The following KATNIP variants were observed in gnomAD, a reference collection of about 807,000 sequenced individuals.
KATNIP encodes katanin interacting protein.
A neutral mutation model predicts 174.0 loss-of-function variants in KATNIP; 126 were observed. That is an observed-to-expected ratio of 0.72 (90% CI 0.63 to 0.84). The LOEUF (loss-of-function observed/expected upper bound fraction) is 0.84. Ranked by LOEUF, KATNIP falls within the 40% of genes least tolerant of loss-of-function variation. The pLI is 0.00. For missense variants in KATNIP, 1,958 were observed against 2,109.7 expected (o/e 0.93, Z 1.41); for synonymous variants, 810 against 835.7 (o/e 0.97, Z 0.53).
At chr16:27,713,512 A>G (rs1356301049) in intron 13 of KATNIP, among the ~76,000 whole-genome samples, 1 of 151,666 alleles carries the variant, frequency 6.6e-6, no homozygotes, top group Non-Finnish European at 1.5e-5. Flanking sequence ...AGATCGAGGC[A>G]GGAGGATCAC....
rs770744051 is a variant in KATNIP at position 27,750,096 on chromosome 16, C to T, written c.3136C>T (p.His1046Tyr). 3.7e-6 allele frequency: 6 copies of T among 1,614,200 alleles called. No individual in the cohort carries two copies. The Admixed American group carries it at 1.0e-4, about 27-fold the overall frequency. The change falls in exon 16 of 28, where the codon CAT (histidine) becomes TAT (tyrosine). Residue 1046 changes from histidine to tyrosine, a missense_variant. By Grantham distance (83) the His-to-Tyr change is moderately conservative. Coordinates refer to ENST00000261588, the MANE Select transcript of KATNIP (RefSeq NM_015202.5). Reference protein sequence around the residue: ...DGVNRTQDDMHVWLAPFTRGR... With the variant: ...DGVNRTQDDMYVWLAPFTRGR... The stretch of plus-strand genomic sequence containing the variant: ...GGTGAACAGGACCCAGGATGACATG[C>T]ATGTCTGGCTGGCCCCCTTCACGCG...
At chr16:27,619,905 G>A (rs1203997175) in intron 3 of KATNIP, among the ~76,000 whole-genome samples, 2 of 152,128 alleles carry the variant, frequency 1.3e-5, no homozygotes, top group East Asian at 1.9e-4. Flanking sequence ...GACCGACGTG[G>A]GTTTCCATCA....
intron 2 of KATNIP, among the ~76,000 whole-genome samples, chr16:27,584,623 T>C (rs993058342): frequency 3.3e-5 from 5 of 152,040 alleles, no homozygotes; most frequent in African/African-American, 7.2e-5. Flanking sequence ...AAACCCTGTC[T>C]CTACTAAAAA....
At chr16:27,676,392 G>A (rs557463035) in intron 6 of KATNIP, among the ~76,000 whole-genome samples, 3 of 152,098 alleles carry the variant, frequency 2.0e-5, no homozygotes, top group African/African-American at 4.8e-5. Flanking sequence ...GTCTGTATAG[G>A]ATGATTTCTC....
chr16:27,698,431 G>A lies in KATNIP; in HGVS notation c.1044G>A (p.Gln348=). The A allele has an allele frequency of 6.2e-7, 1 of 1,613,632 alleles. No individual in the cohort carries two copies. The highest frequency in any genetic ancestry group is 1.1e-5 in the South Asian group (1 of 90,922). ...CCTCTGCTGTGCTCCAAGCCATCCA[G>A]GTGGAGAACGCAGCCCTGCAGAGGG... ...EDASAVLQAI[Q]VENAALQRAL... The change falls in exon 9 of 28, where the codon CAG becomes CAA. Residue 348 remains glutamine, a synonymous_variant. Coordinates refer to ENST00000261588, the MANE Select transcript of KATNIP (RefSeq NM_015202.5).
chr16:27,610,668 G>T (rs1188465781), intron 2 of KATNIP, among the ~76,000 whole-genome samples: 2 of 152,112 alleles, frequency 1.3e-5, no homozygotes, highest in African/African-American at 4.8e-5. Context: ...GGGCTGTTCA[G>T]TCCAGCACCC....
At chr16:27,768,629 AG>A (rs1347724327) in intron 20 of KATNIP, among the ~76,000 whole-genome samples, 1 of 152,170 alleles carries the variant, frequency 6.6e-6, no homozygotes, top group Non-Finnish European at 1.5e-5. Context: ...AGTTCAGCTC[AG>A]GGGGCCCAGG....
chr16:27,671,917 G>A (rs1243964971), intron 6 of KATNIP, among the ~76,000 whole-genome samples: 1 of 152,084 alleles, frequency 6.6e-6, no homozygotes, highest in Non-Finnish European at 1.5e-5. Flanking sequence ...TCAGCCGGGT[G>A]TGGTGGCGGG....
intron 2 of KATNIP, among the ~76,000 whole-genome samples, chr16:27,598,056 C>T (rs554330630): frequency 2.0e-5 from 3 of 152,018 alleles, no homozygotes; most frequent in Admixed American, 6.6e-5. Flanking sequence ...GACGAAAGCC[C>T]GTCTCTACAA....
At chr16:27,621,284 A>T (rs1409463954) in intron 3 of KATNIP, among the ~76,000 whole-genome samples, 1 of 145,216 alleles carries the variant, frequency 6.9e-6, no homozygotes, top group East Asian at 2.0e-4. Context: ...CACTGTCTCT[A>T]AAAAAAAAAA....
intron 15 of KATNIP, among the ~76,000 whole-genome samples, chr16:27,744,105 T>C (rs2081199727): frequency 1.3e-5 from 2 of 152,204 alleles, no homozygotes; most frequent in Admixed American, 1.3e-4. Context: ...AAATTATCCA[T>C]TACCCAGAGC....
intron 6 of KATNIP, among the ~76,000 whole-genome samples, chr16:27,657,640 A>G (rs571626870): frequency 6.6e-6 from 1 of 152,228 alleles, no homozygotes; most frequent in South Asian, 2.1e-4. Context: ...GGCCAGACGC[A>G]GTGGCTTATG....
Position 27,777,165 on chromosome 16 carries a change from C to G in KATNIP, c.4551+136C>G, listed in dbSNP as rs1383007178. On this transcript the variant is annotated intron_variant, in intron 25 of 27. Coordinates refer to ENST00000261588, the MANE Select transcript of KATNIP (RefSeq NM_015202.5). This position sits in a 1 kb window ranked among gnomAD's most constrained non-coding sequence, Gnocchi z 4.4. ...AACACAAATGCCTGGTCGTCAGATG[C>G]AGGCGAATTTCCCACCCAACCATGA... 5 of 643,800 alleles carry G rather than the reference C, an allele frequency of 7.8e-6. No homozygotes were observed. In the Admixed American group the frequency reaches 1.3e-4, roughly 17 times the overall value. 39.9% of individuals were successfully genotyped at this position (643,800 alleles called of 1,614,324 possible). A position where few individuals can be genotyped will look rare whatever the true frequency, so the allele number is the denominator to read the frequency against.
chr16:27,629,180 A>T (rs936182141), intron 4 of KATNIP, among the ~76,000 whole-genome samples: 3 of 151,846 alleles, frequency 2.0e-5, no homozygotes, highest in African/African-American at 7.3e-5. Context: ...AAAAAAAAAA[A>T]AAAATAGGGA....
chr16:27,627,949 A>G (rs1007093631), intron 3 of KATNIP, among the ~76,000 whole-genome samples: 1 of 152,214 alleles, frequency 6.6e-6, no homozygotes, highest in African/African-American at 2.4e-5. Flanking sequence ...ACCAGGCCCA[A>G]GGTGTAAGGA....
At chr16:27,557,869 C>T (rs1351822659) in intron 1 of KATNIP, among the ~76,000 whole-genome samples, 1 of 152,110 alleles carries the variant, frequency 6.6e-6, no homozygotes, top group Non-Finnish European at 1.5e-5. Context: ...CTTATAAATA[C>T]CTGATTGTGG....
intron 5 of KATNIP, among the ~76,000 whole-genome samples, chr16:27,647,229 GTGTC>G (rs1418537571): frequency 6.6e-6 from 1 of 152,206 alleles, no homozygotes; most frequent in African/African-American, 2.4e-5. Context: ...CCAGTCCAGA[GTGTC>G]TGCAGTCCAG....
intron 18 of KATNIP, 45 bp downstream of exon 18, chr16:27,754,296 C>A: frequency 3.9e-6 from 6 of 1,537,994 alleles, no homozygotes; most frequent in Non-Finnish European, 5.4e-6. Flanking sequence ...GGAGGACCTT[C>A]CAGGGACAGG....
chr16:27,647,523 T>A (rs1567248822), intron 5 of KATNIP, among the ~76,000 whole-genome samples: 1 of 149,686 alleles, frequency 6.7e-6, no homozygotes, highest in Non-Finnish European at 1.5e-5. Context: ...TTTTTTTTTT[T>A]AAATGGAGTT....
Sources: allele counts gnomAD v4.1 joint callset (sites outside exome capture counted in the v4.1 genomes callset), GRCh38; gene constraint gnomAD v4.1.1; non-coding constraint Gnocchi (gnomAD v3.1); transcripts MANE v1.5; gene names NCBI Gene and HGNC (gene_info 2026-07-23, HGNC 2026-07-21).